Variants in ESRP1 observed in about 807,000 individuals in gnomAD.
The protein encoded by ESRP1 is RNA-binding motif protein 35A.
In ESRP1, 33 loss-of-function variants were observed where a neutral mutation model predicts 81.7. The observed-to-expected ratio is 0.40, with a 90% confidence interval of 0.31 to 0.54. The LOEUF is 0.54. Ranked by LOEUF, ESRP1 falls within the 20% of genes least tolerant of loss-of-function variation. The pLI, the probability that ESRP1 is intolerant of heterozygous loss-of-function variation, is 0.41. For synonymous variants in ESRP1, 320 were observed against 303.3 expected, an observed-to-expected ratio of 1.06 and a Z score of -0.57; for missense variants, 672 against 833.1, an observed-to-expected ratio of 0.81 and a Z score of 2.38.
At chr8:94,664,884 G>C (rs768676144) in intron 7 of ESRP1, 43 bp from the exon 8 acceptor site, 14 of 1,607,818 alleles carry the variant, frequency 8.7e-6, no homozygotes, top group Non-Finnish European at 1.2e-5. Context: ...TTTCCTCACT[G>C]TATTTTTTTT....
intron 15 of ESRP1, among the ~76,000 whole-genome samples, chr8:94,700,150 C>T (rs979286399): frequency 1.3e-5 from 2 of 152,228 alleles, no homozygotes; most frequent in African/African-American, 4.8e-5. Context: ...TCTGAGGACG[C>T]TTTTCTGTTA....
At position 94,671,616 on chromosome 8, in the gene ESRP1, G is replaced by T; in HGVS notation, c.1397G>T (p.Gly466Val). The T allele has an allele frequency of 6.2e-7, 1 of 1,613,832 alleles. No individual in the cohort carries two copies. The highest frequency in any genetic ancestry group is 8.5e-7 in the Non-Finnish European group (1 of 1,179,866). Residue 466 changes from glycine to valine, a missense_variant, in exon 11 of 16, where the codon GGG becomes GTG. Transcript: ENST00000433389. ...ATIEDILDFL[G>V]EFATDIRTHG... ...ATTGAGGACATCCTGGATTTCCTGGGGGAGTTCGCCACAGATATTCGTACT... is the reference window on the plus strand; with the variant it reads ...ATTGAGGACATCCTGGATTTCCTGGTGGAGTTCGCCACAGATATTCGTACT...
At chr8:94,701,292 A>T (rs1039100433) in intron 15 of ESRP1, among the ~76,000 whole-genome samples, 8 of 149,710 alleles carry the variant, frequency 5.3e-5, no homozygotes, top group African/African-American at 1.5e-4. Flanking sequence ...AAAAAAAAGA[A>T]TTGAGCGATT....
intron 11 of ESRP1, among the ~76,000 whole-genome samples, chr8:94,672,182 C>G (rs1372816169): frequency 6.6e-6 from 1 of 152,058 alleles, no homozygotes; most frequent in Non-Finnish European, 1.5e-5. Flanking sequence ...TATCCATAGA[C>G]TATTTAGAAA....
At chr8:94,657,472 C>T (rs77718684) in intron 4 of ESRP1, among the ~76,000 whole-genome samples, 209 of 146,266 alleles carry the variant, frequency 1.4e-3, no homozygotes, top group African/African-American at 3.8e-3. Context: ...AGGCTGTGTG[C>T]GTGTGTGTGT....
chr8:94,682,926 A>T (rs867974828), intron 13 of ESRP1, among the ~76,000 whole-genome samples: 14 of 31,566 alleles, frequency 4.4e-4, no homozygotes, highest in African/African-American at 1.7e-3. Flanking sequence ...ATATATATAT[A>T]TATATATTTT....
rs371933888 is a variant in ESRP1, at chr8:94,663,332, G to A, written c.644+777G>A. Reference sequence around the variant, plus strand: ...GTGATCTCTGCTCACTGCAACCTCCGCCTCCCGGGTTCAAGCGATTCTTGT... The same window carrying A: ...GTGATCTCTGCTCACTGCAACCTCCACCTCCCGGGTTCAAGCGATTCTTGT... On this transcript the variant is annotated intron_variant, in intron 6 of 15. Transcript: ENST00000433389. Among the ~76,000 whole-genome samples, 11 of 152,134 alleles carry A rather than the reference G, an allele frequency of 7.2e-5. 1 individual carries two copies. Among genetic ancestry groups the A allele is most frequent in the East Asian group, 5.8e-4 (3 of 5,174 alleles).
chr8:94,703,819 C>A (rs1476257863), intron 15 of ESRP1, among the ~76,000 whole-genome samples: 1 of 152,134 alleles, frequency 6.6e-6, no homozygotes, highest in Admixed American at 6.5e-5. Context: ...GTCTGGGCCC[C>A]TTGTTTGGCT....
rs187208147 is a variant in ESRP1, at chr8:94,646,895, T to C, written c.490+613T>C. 6.6e-5 allele frequency among the ~76,000 whole-genome samples: 10 copies of C among 152,350 alleles called. No homozygotes were observed. In the East Asian group the frequency reaches 1.9e-3, roughly 29 times the overall value. The stretch of plus-strand genomic sequence containing the variant: ...ATAATTACAAATCTATAATCATGAA[T>C]GACCCGTCATCTTACATTCATTAAG... On this transcript the variant is annotated intron_variant, in intron 4 of 15. Coordinates refer to ENST00000433389, the MANE Select transcript of ESRP1 (RefSeq NM_017697.4).
intron 11 of ESRP1, among the ~76,000 whole-genome samples, chr8:94,673,857 T>C (rs972715822): frequency 2.0e-5 from 3 of 152,106 alleles, no homozygotes; most frequent in African/African-American, 7.2e-5. Flanking sequence ...GGACTGGAAC[T>C]GAGAGCCAAA....
At position 94,675,229 on chromosome 8, in the gene ESRP1, C is replaced by CT. The variant is rs1331073706; in HGVS notation, c.1651+729dup. On this transcript the variant is annotated intron_variant, in intron 12 of 15. Coordinates refer to ENST00000433389, the MANE Select transcript of ESRP1 (RefSeq NM_017697.4). The stretch of plus-strand genomic sequence containing the variant: ...GGGGATCTGATGTTAAAATTTGAGT[C>CT]TTTTTTACACAATTTTTCCTTTAAA... Among the ~76,000 whole-genome samples the CT allele has an allele frequency of 3.3e-5, 5 of 152,130 alleles. 1 individual carries two copies. The South Asian group carries it at 8.3e-4, about 25-fold the overall frequency.
At chr8:94,677,633 A>G (rs1372278451) in intron 12 of ESRP1, among the ~76,000 whole-genome samples, 1 of 152,200 alleles carries the variant, frequency 6.6e-6, no homozygotes, top group African/African-American at 2.4e-5. Flanking sequence ...TCATGTGGCT[A>G]GCCTTTAGGT....
chr8:94,695,995 G>A (rs1809591261), intron 14 of ESRP1, among the ~76,000 whole-genome samples: 1 of 152,194 alleles, frequency 6.6e-6, no homozygotes, highest in Admixed American at 6.5e-5. Flanking sequence ...CCCAGGAGGT[G>A]GAAGTTGCAG....
At chr8:94,650,215 A>G (rs538204448) in intron 4 of ESRP1, among the ~76,000 whole-genome samples, 101 of 152,284 alleles carry the variant, frequency 6.6e-4, no homozygotes, top group African/African-American at 2.4e-3. Flanking sequence ...TTGTGGTATC[A>G]AAATACATTG....
At chr8:94,667,660 A>T (rs999453691) in intron 9 of ESRP1, among the ~76,000 whole-genome samples, 1 of 152,218 alleles carries the variant, frequency 6.6e-6, no homozygotes, top group South Asian at 2.1e-4. Flanking sequence ...GGACCCAGGC[A>T]TTCTGGCTCC....
intron 4 of ESRP1, among the ~76,000 whole-genome samples, chr8:94,649,808 C>T (rs1334300415): frequency 1.3e-5 from 2 of 152,100 alleles, no homozygotes; most frequent in Non-Finnish European, 2.9e-5. Flanking sequence ...CCACTGCACC[C>T]GACCCCAACT....
intron 14 of ESRP1, among the ~76,000 whole-genome samples, chr8:94,695,004 A>T (rs950580450): frequency 6.6e-6 from 1 of 152,188 alleles, no homozygotes; most frequent in Non-Finnish European, 1.5e-5. Flanking sequence ...AAAAATCTTT[A>T]TACCTAACCC....
intron 9 of ESRP1, among the ~76,000 whole-genome samples, chr8:94,666,283 G>A (rs898528075): frequency 2.0e-5 from 3 of 152,202 alleles, no homozygotes; most frequent in African/African-American, 7.2e-5. Flanking sequence ...CTACTTGGGA[G>A]GCTGAGACAG....
chr8:94,688,667 G>C (rs1477281078), intron 13 of ESRP1: 1 of 184,948 alleles, frequency 5.4e-6, no homozygotes, highest in African/African-American at 2.4e-5. Flanking sequence ...AAAACCAATT[G>C]ATAATAAGTG....
Sources: allele counts gnomAD v4.1 joint callset (sites outside exome capture counted in the v4.1 genomes callset), GRCh38; gene constraint gnomAD v4.1.1; transcripts MANE v1.5; gene names NCBI Gene and HGNC (gene_info 2026-07-23, HGNC 2026-07-21).